The following PCYOX1L variants were observed in gnomAD, a reference collection of about 807,000 sequenced individuals.
The protein encoded by PCYOX1L is prenylcysteine oxidase 1 like.
Under a neutral mutation model 44.1 loss-of-function variants are expected in PCYOX1L, and 40 were observed. The observed-to-expected ratio is 0.91, with a 90% CI of 0.70 to 1.18. The LOEUF is 1.18. PCYOX1L is among the 50% of genes most tolerant of loss of function. PCYOX1L has a pLI of 0.00. For missense variants in PCYOX1L, 605 were observed against 653.3 expected (o/e 0.93, Z 0.81); for synonymous variants, 266 against 282.8 (o/e 0.94, Z 0.60).
intron 2 of PCYOX1L, chr5:149,363,064 G>A (rs936967450): frequency 5.8e-6 from 4 of 685,028 alleles, no homozygotes; most frequent in Non-Finnish European, 1.1e-5. Flanking sequence ...TGACTCCTAG[G>A]CCAGTTTCTT....
chr5:149,361,516 G>A (rs1477049271), intron 1 of PCYOX1L, among the ~76,000 whole-genome samples: 1 of 152,212 alleles, frequency 6.6e-6, no homozygotes, highest in African/African-American at 2.4e-5. Context: ...AAGGCAGGAG[G>A]TACAGTAAAG....
chr5:149,368,480 T>C lies in PCYOX1L; in HGVS notation c.1311T>C (p.Phe437=). ...LYGSRPTLPR[F]ALHDQLFYLN... Reference sequence around the variant, plus strand: ...GCTCCCGCCCCACGCTCCCGAGGTTTGCACTCCATGACCAGCTCTTCTACC... The same window carrying C: ...GCTCCCGCCCCACGCTCCCGAGGTTCGCACTCCATGACCAGCTCTTCTACC... The change falls in exon 6 of 6, where the codon TTT becomes TTC. Residue 437 remains phenylalanine, a synonymous_variant. Transcript: ENST00000274569. 1 of 1,613,128 alleles carries C rather than the reference T, an allele frequency of 6.2e-7. No individual in the cohort carries two copies. Among genetic ancestry groups the C allele is most frequent in the South Asian group, 1.1e-5 (1 of 90,938 alleles).
At chr5:149,362,481 C>A in intron 1 of PCYOX1L, 156 bp from the exon 2 acceptor site, 1 of 723,716 alleles carries the variant, frequency 1.4e-6, no homozygotes, top group Non-Finnish European at 2.3e-6. Context: ...GCTCTACTGA[C>A]AACTCAGTCC....
rs766386898 is a variant in PCYOX1L, at chr5:149,368,274, T to C, written c.1105T>C (p.Cys369Arg). 7 of 1,614,216 alleles carry C rather than the reference T, an allele frequency of 4.3e-6. No individual in the cohort carries two copies. In the South Asian group the frequency reaches 7.7e-5, roughly 18 times the overall value. The change falls in exon 6 of 6, where the codon TGC becomes CGC. Residue 369 changes from cysteine (C) to arginine (R), a missense_variant. By Grantham distance (180) the Cys-to-Arg change is radical. Coordinates refer to ENST00000274569, the MANE Select transcript of PCYOX1L (RefSeq NM_024028.4). ...ILTTDFPSFF[C>R]TLDNICPVNI... Reference sequence around the variant, plus strand: ...TACCACAGATTTCCCCAGCTTCTTCTGCACTCTGGACAACATCTGCCCTGT... The same window carrying C: ...TACCACAGATTTCCCCAGCTTCTTCCGCACTCTGGACAACATCTGCCCTGT...
intron 1 of PCYOX1L, among the ~76,000 whole-genome samples, chr5:149,361,561 T>G (rs183621927): frequency 7.4e-4 from 112 of 152,350 alleles, no homozygotes; most frequent in African/African-American, 2.3e-3. Context: ...AGCTGAAACT[T>G]TGTAACAAGA....
intron 5 of PCYOX1L, 114 bp downstream of exon 5, chr5:149,367,614 A>G (rs1758259155): frequency 1.4e-6 from 2 of 1,432,292 alleles, no homozygotes; most frequent in Non-Finnish European, 1.8e-6. Flanking sequence ...AGTATTTCCG[A>G]AAAAGCATTG....
chr5:149,358,157 G>A lies in PCYOX1L; in HGVS notation c.88+1G>A. The A allele has an allele frequency of 1.4e-6, 2 of 1,450,106 alleles. No homozygotes were observed. The highest frequency in any genetic ancestry group is 1.8e-6 in the Non-Finnish European group (2 of 1,103,636). The allele number at this position is 1,450,106 out of a possible 1,614,324, so 89.8% of individuals were successfully genotyped here. A position where few individuals can be genotyped will look rare whatever the true frequency, so the allele number is the denominator to read the frequency against. On this transcript the variant is annotated splice_donor_variant, in intron 1 of 5. Coordinates refer to ENST00000274569, the MANE Select transcript of PCYOX1L (RefSeq NM_024028.4). LOFTEE classifies it high-confidence loss of function. ...GGAGATGCCCCGCCGGGCAAAATCG[G>A]TGCGGGAAGGACGCGGTGGGGTTCC...
chr5:149,363,304 CAA>C (rs1758074315), intron 2 of PCYOX1L: 3 of 348,642 alleles, frequency 8.6e-6, no homozygotes, highest in Non-Finnish European at 1.7e-5. Context: ...AGCATCTGTC[CAA>C]TACACGTTCT....
At chr5:149,359,584 C>T (rs557509677) in intron 1 of PCYOX1L, among the ~76,000 whole-genome samples, 1 of 152,228 alleles carries the variant, frequency 6.6e-6, no homozygotes, top group African/African-American at 2.4e-5. Flanking sequence ...GCAGGGCACT[C>T]CCCGTTTTCT....
intron 1 of PCYOX1L, among the ~76,000 whole-genome samples, chr5:149,360,156 G>T (rs1757967625): frequency 6.6e-6 from 1 of 152,226 alleles, no homozygotes; most frequent in South Asian, 2.1e-4. Context: ...GGTTGTCGTT[G>T]CTAATTGCGC....
At chr5:149,358,193 G>A in intron 1 of PCYOX1L, 37 bp downstream of exon 1, 1 of 1,409,762 alleles carries the variant, frequency 7.1e-7, no homozygotes. Context: ...CAGCTGGGGA[G>A]GGCCGGCGGG....
chr5:149,362,921 A>G, intron 2 of PCYOX1L, 78 bp downstream of exon 2: 1 of 1,481,788 alleles, frequency 6.7e-7, no homozygotes, highest in Non-Finnish European at 9.3e-7. Context: ...CAGACTTCCC[A>G]GACCATCAAG....
chr5:149,362,801 C>T lies in PCYOX1L; in HGVS notation c.253C>T (p.His85Tyr), dbSNP rs927161433. The T allele has an allele frequency of 3.7e-6, 6 of 1,614,022 alleles. No homozygotes were observed. Among genetic ancestry groups the T allele is most frequent in the African/African-American group, 1.3e-5 (1 of 74,954 alleles). The change falls in exon 2 of 6, where the codon CAC becomes TAC. Residue 85 changes from histidine (H) to tyrosine (Y), a missense_variant. Physicochemically the swap from His to Tyr is moderately conservative, Grantham distance 83. Transcript: ENST00000274569. ...CTATGAGAGCGGGGCTGCCTCCTTCCACTCCCTGAGCCTGCACATGCAGGA... is the reference window on the plus strand; with the variant it reads ...CTATGAGAGCGGGGCTGCCTCCTTCTACTCCCTGAGCCTGCACATGCAGGA... ...QHYESGAASF[H>Y]SLSLHMQDFV... is the part of the protein sequence containing the mutation.
At position 149,362,795 on chromosome 5, in the gene PCYOX1L, T is replaced by C. The variant is rs753140865; in HGVS notation, c.247T>C (p.Ser83Pro). The change falls in exon 2 of 6, where the codon TCC becomes CCC. Residue 83 changes from serine to proline, a missense_variant. Coordinates refer to ENST00000274569, the MANE Select transcript of PCYOX1L (RefSeq NM_024028.4). ...NKQHYESGAA[S>P]FHSLSLHMQD... ...GCAGCACTATGAGAGCGGGGCTGCC[T>C]CCTTCCACTCCCTGAGCCTGCACAT... 6.8e-6 allele frequency: 11 copies of C among 1,614,102 alleles called. No individual in the cohort carries two copies. Among genetic ancestry groups the C allele is most frequent in the Non-Finnish European group, 9.3e-6 (11 of 1,180,032 alleles).
At position 149,366,268 on chromosome 5, in the gene PCYOX1L, G is replaced by A. The variant is rs1464223272; in HGVS notation, c.682+115G>A. On this transcript the variant is annotated intron_variant, in intron 4 of 5. Transcript: ENST00000274569. The stretch of plus-strand genomic sequence containing the variant: ...TTATCCAGCTCATTGCAGTCACATA[G>A]GCACTCTGCTGCCCCATCCTGCCTG... 1.8e-5 allele frequency: 19 copies of A among 1,074,726 alleles called. No homozygotes were observed. The East Asian group carries it at 4.9e-4, about 28-fold the overall frequency. The allele number at this position is 1,074,726 out of a possible 1,614,324, so 66.6% of individuals were successfully genotyped here.
chr5:149,364,281 C>A (rs924755505), intron 3 of PCYOX1L, 71 bp downstream of exon 3: 1 of 1,565,778 alleles, frequency 6.4e-7, no homozygotes, highest in South Asian at 1.1e-5. Flanking sequence ...AACCAGCTTG[C>A]CTGTACTTTG....
At position 149,368,247 on chromosome 5, in the gene PCYOX1L, C is replaced by T. The variant is rs1318290767; in HGVS notation, c.1078C>T (p.Leu360Phe). 8.1e-6 allele frequency: 13 copies of T among 1,614,068 alleles called. No homozygotes were observed. The Admixed American group carries it at 2.0e-4, about 25-fold the overall frequency. Residue 360 changes from leucine (L) to phenylalanine (F), a missense_variant, in exon 6 of 6, where the codon CTT becomes TTT. Coordinates refer to ENST00000274569, the MANE Select transcript of PCYOX1L (RefSeq NM_024028.4). ...TAAGCTTTTCCCCTTTGCCAACATC[C>T]TTACCACAGATTTCCCCAGCTTCTT... is the stretch of plus-strand genomic sequence containing the variant. ...DPKLFPFANI[L>F]TTDFPSFFCT...
intron 3 of PCYOX1L, 122 bp downstream of exon 3, chr5:149,364,332 T>C (rs543568480): frequency 1.6e-6 from 2 of 1,223,890 alleles, no homozygotes; most frequent in South Asian, 1.5e-5. Context: ...GCCAGCACAA[T>C]TCAGTGCAGG....
chr5:149,359,026 A>G (rs1757933958), intron 1 of PCYOX1L, among the ~76,000 whole-genome samples: 1 of 152,156 alleles, frequency 6.6e-6, no homozygotes, highest in African/African-American at 2.4e-5. Flanking sequence ...CATCGTGCAT[A>G]TCATTGACTA....
Sources: gnomAD v4.1 joint callset for allele counts (sites outside exome capture counted in the v4.1 genomes callset) on GRCh38, gnomAD v4.1.1 for gene constraint, MANE v1.5 for transcripts, NCBI Gene and HGNC (gene_info 2026-07-23, HGNC 2026-07-21) for gene names.